The following RNASET2 variants were observed in gnomAD, a reference collection of about 807,000 sequenced individuals.
RNASET2 encodes the protein ribonuclease T2, also known as ribonuclease 6.
RNASET2 carries 28 observed loss-of-function variants against 33.9 expected under a neutral mutation model. The ratio of observed to expected loss-of-function variants is 0.83; its 90% CI spans 0.61 to 1.13. RNASET2 has a LOEUF of 1.13. Among genes scored for constraint, RNASET2 ranks in the 50% most tolerant of loss-of-function variants. The probability of loss-of-function intolerance (pLI) is 0.00; values close to 1 mark genes in which losing one functional copy is unlikely to be tolerated. For missense variants in RNASET2, 330 were observed against 319.9 expected, an observed-to-expected ratio of 1.03 and a Z score of -0.24; for synonymous variants, 123 against 121.0, an observed-to-expected ratio of 1.02 and a Z score of -0.11.
At chr6:166,945,895 C>T (rs1489588937) in intron 4 of RNASET2, among the ~76,000 whole-genome samples, 1 of 151,552 alleles carries the variant, frequency 6.6e-6, no homozygotes, top group Non-Finnish European at 1.5e-5. Context: ...AACTAATGAC[C>T]TTGGGGAATG....
chr6:166,943,230 T>G (rs1778736083), intron 4 of RNASET2, 141 bp from the exon 5 acceptor site: 1 of 651,382 alleles, frequency 1.5e-6, no homozygotes, highest in African/African-American at 1.8e-5. Context: ...AATCCTATGC[T>G]TATTTTGTAT....
intron 4 of RNASET2, 77 bp from the exon 5 acceptor site, chr6:166,943,166 A>G: frequency 2.0e-6 from 2 of 1,011,154 alleles, no homozygotes. Context: ...AATTTGATAA[A>G]CTGACACCAA....
chr6:166,953,879 C>CAA (rs548523987), intron 1 of RNASET2, among the ~76,000 whole-genome samples: 41 of 110,734 alleles, frequency 3.7e-4, no homozygotes, highest in African/African-American at 5.8e-4. Flanking sequence ...GACCCTGTCT[C>CAA]AAAAAAAAAA....
chr6:166,924,525 A>C lies in RNASET2; in HGVS notation c.*5063T>G, dbSNP rs974365107. ...AGTTGGACAAAGTCCGGGCCTTTGT[A>C]GTGTGACGTGGCCATTAGGGCCCAC... On this transcript the variant is annotated 3_prime_UTR_variant, in exon 9 of 9. Transcript: ENST00000508775. Among the ~76,000 whole-genome samples the C allele has an allele frequency of 1.3e-5, 2 of 152,206 alleles. No homozygotes were observed. Among genetic ancestry groups the C allele is most frequent in the African/African-American group, 2.4e-5 (1 of 41,454 alleles).
chr6:166,939,587 C>T (rs1382435095), intron 5 of RNASET2, among the ~76,000 whole-genome samples: 4 of 152,214 alleles, frequency 2.6e-5, no homozygotes. Flanking sequence ...CCCCAACCCC[C>T]ACTGATTCAC....
Position 166,956,333 on chromosome 6 carries a change from C to A in RNASET2, c.-151G>T. 1 of 749,400 alleles carries A rather than the reference C, an allele frequency of 1.3e-6. No individual in the cohort carries two copies. 46.4% of individuals were successfully genotyped at this position (749,400 alleles called of 1,614,324 possible). On this transcript the variant is annotated 5_prime_UTR_variant, in exon 1 of 9. Coordinates refer to ENST00000508775, the MANE Select transcript of RNASET2 (RefSeq NM_003730.6). ...TGCAGCAGCGGCCACCGGGTGCGCC[C>A]GGAGCCCTGGGACGGCCTAAACCAG...
chr6:166,952,240 C>A (rs1779000646), intron 2 of RNASET2, among the ~76,000 whole-genome samples: 1 of 152,228 alleles, frequency 6.6e-6, no homozygotes, highest in Admixed American at 6.5e-5. Flanking sequence ...ACTTCCCCTT[C>A]CAGGACCGTG....
chr6:166,952,650 T>C, intron 1 of RNASET2, 102 bp from the exon 2 acceptor site: 5 of 903,818 alleles, frequency 5.5e-6, no homozygotes, highest in Non-Finnish European at 9.1e-6. Context: ...CAGCACTGAG[T>C]GCTGTGGGAG....
In RNASET2 at chr6:166,927,424, C is replaced by T. The variant is rs1209191187; in HGVS notation, c.*2164G>A. Among the ~76,000 whole-genome samples, 1 of 152,134 alleles carries T rather than the reference C, an allele frequency of 6.6e-6. No individual in the cohort carries two copies. The highest frequency in any genetic ancestry group is 2.4e-5 in the African/African-American group (1 of 41,428). On this transcript the variant is annotated 3_prime_UTR_variant, in exon 9 of 9. Transcript: ENST00000508775. ...ACGTGACAATGGCAGGAAACCAGCA[C>T]TCCGCAGCCCATGCCTCCCACCAGG...
At chr6:166,948,340 T>C (rs1419450770) in intron 3 of RNASET2, 16 of 599,468 alleles carry the variant, frequency 2.7e-5, no homozygotes, top group Middle Eastern at 4.2e-4. Context: ...AGTAAGACTC[T>C]GTCTCAGAAA....
rs1236537454 is a variant in RNASET2, at chr6:166,929,123, G to A, written c.*465C>T. On this transcript the variant is annotated 3_prime_UTR_variant, in exon 9 of 9. Transcript: ENST00000508775. ...GATGTCCTGGGGCTCTGGTCACATG[G>A]AACAGACCCAGTCTGAGCTAGAGAC... Among the ~76,000 whole-genome samples the A allele has an allele frequency of 6.6e-6, 1 of 152,226 alleles. No homozygotes were observed. Among genetic ancestry groups the A allele is most frequent in the Non-Finnish European group, 1.5e-5 (1 of 68,046 alleles).
At chr6:166,956,019 G>A (rs1304348451) in intron 1 of RNASET2, 78 bp downstream of exon 1, 15 of 1,394,012 alleles carry the variant, frequency 1.1e-5, no homozygotes, top group Non-Finnish European at 1.5e-5. Flanking sequence ...CCGACCCCGA[G>A]AGCTGCAGCC....
intron 1 of RNASET2, chr6:166,952,884 T>A: frequency 2.9e-6 from 1 of 340,118 alleles, no homozygotes; most frequent in Non-Finnish European, 5.7e-6. Flanking sequence ...AGCACCTTTC[T>A]CCTAAGGATG....
At chr6:166,941,408 TCA>T (rs1267236871) in intron 5 of RNASET2, among the ~76,000 whole-genome samples, 1 of 152,244 alleles carries the variant, frequency 6.6e-6, no homozygotes, top group Non-Finnish European at 1.5e-5. Flanking sequence ...TTCACATAAC[TCA>T]GTTACCATAA....
chr6:166,955,955 A>G, intron 1 of RNASET2, 142 bp downstream of exon 1: 1 of 1,075,134 alleles, frequency 9.3e-7, no homozygotes, highest in African/African-American at 1.6e-5. Flanking sequence ...GTCACCCCGG[A>G]GCGTGCTCGG....
chr6:166,931,549 G>T (rs1033845134), intron 7 of RNASET2: 2 of 217,356 alleles, frequency 9.2e-6, no homozygotes, highest in Non-Finnish European at 1.9e-5. Flanking sequence ...CCCCACGGTG[G>T]ACACATTCTC....
rs895436606 is a variant in RNASET2 at position 166,956,282 on chromosome 6, C to T, written c.-100G>A. On this transcript the variant is annotated 5_prime_UTR_variant, in exon 1 of 9. Transcript: ENST00000508775. ...TTCCGGGAGAAACGCTGTCTCCGAG[C>T]CCCCGCGCCGCCGCGCTCCCTCCGC... 3 of 1,177,132 alleles carry T rather than the reference C, an allele frequency of 2.5e-6. No individual in the cohort carries two copies. The highest frequency in any genetic ancestry group is 1.3e-5 in the South Asian group (1 of 76,196). The allele number at this position is 1,177,132 out of a possible 1,614,324, so 72.9% of individuals were successfully genotyped here.
At chr6:166,938,819 C>T (rs766625128) in intron 6 of RNASET2, 76 bp downstream of exon 6, 13 of 1,042,058 alleles carry the variant, frequency 1.2e-5, no homozygotes, top group African/African-American at 3.1e-5. Flanking sequence ...ACCCACTCCC[C>T]TGGATCCAGC....
At chr6:166,952,057 C>T (rs1778997140) in intron 2 of RNASET2, among the ~76,000 whole-genome samples, 1 of 152,190 alleles carries the variant, frequency 6.6e-6, no homozygotes, top group African/African-American at 2.4e-5. Flanking sequence ...TCAGAAGAGA[C>T]AGAGAGACAC....
Sources: allele counts gnomAD v4.1 joint callset (sites outside exome capture counted in the v4.1 genomes callset), GRCh38; gene constraint gnomAD v4.1.1; transcripts MANE v1.5; gene names NCBI Gene and HGNC (gene_info 2026-07-23, HGNC 2026-07-21).